The following CREB5 variants were observed in gnomAD, a reference collection of about 807,000 sequenced individuals.
CREB5 encodes cAMP responsive element binding protein 5.
Under a neutral mutation model 57.1 loss-of-function variants are expected in CREB5, and 19 were observed. That is an observed-to-expected ratio of 0.33 (90% CI 0.23 to 0.49). The LOEUF is 0.49. Ranked by LOEUF, CREB5 falls within the 20% of genes least tolerant of loss-of-function variation. The pLI, the probability that CREB5 is intolerant of heterozygous loss-of-function variation, is 0.99. For synonymous variants in CREB5, 238 were observed against 238.3 expected (o/e 1.00, Z 0.01); for missense variants, 579 against 671.6 (o/e 0.86, Z 1.52).
intron 1 of CREB5, among the ~76,000 whole-genome samples, chr7:28,447,086 C>T (rs1789519062): frequency 6.6e-6 from 1 of 152,144 alleles, no homozygotes; most frequent in South Asian, 2.1e-4. Context: ...ATCAGGACAC[C>T]ACCTCCCCTC....
intron 1 of CREB5, among the ~76,000 whole-genome samples, chr7:28,415,203 G>A (rs1290261175): frequency 6.6e-6 from 1 of 152,156 alleles, no homozygotes; most frequent in African/African-American, 2.4e-5. Flanking sequence ...TAGGCCTAGA[G>A]ATTCTGATGG....
intron 1 of CREB5, among the ~76,000 whole-genome samples, chr7:28,343,098 G>A (rs899141947): frequency 5.3e-5 from 8 of 152,110 alleles, no homozygotes; most frequent in Admixed American, 3.3e-4. Flanking sequence ...CCGCCACCAC[G>A]CCCAGCTAAT....
chr7:28,436,643 A>T (rs73073989), intron 1 of CREB5, among the ~76,000 whole-genome samples: 1,524 of 152,204 alleles, frequency 0.01, 15 homozygotes, highest in Non-Finnish European at 0.017. Flanking sequence ...TGCAATTGTC[A>T]TTTTTTCCTA....
intron 1 of CREB5, among the ~76,000 whole-genome samples, chr7:28,310,664 A>G (rs1279237063): frequency 1.3e-5 from 2 of 152,248 alleles, no homozygotes; most frequent in African/African-American, 4.8e-5. Flanking sequence ...ATACGAAAGT[A>G]TGTTTACCTA....
intron 5 of CREB5, among the ~76,000 whole-genome samples, chr7:28,590,299 C>A (rs1376852903): frequency 6.6e-6 from 1 of 151,994 alleles, no homozygotes; most frequent in Non-Finnish European, 1.5e-5. Flanking sequence ...CAATCATAGA[C>A]TGGATTAAGA....
At chr7:28,721,921 G>T (rs1338387799) in intron 6 of CREB5, among the ~76,000 whole-genome samples, 2 of 152,296 alleles carry the variant, frequency 1.3e-5, no homozygotes, top group South Asian at 4.1e-4. Context: ...CCTTTACATG[G>T]CTATTTTACC....
At chr7:28,396,118 A>C (rs932115857) in intron 1 of CREB5, among the ~76,000 whole-genome samples, 1 of 152,210 alleles carries the variant, frequency 6.6e-6, no homozygotes, top group African/African-American at 2.4e-5. Flanking sequence ...CTTTGTAGCC[A>C]TACACTGTCA....
intron 4 of CREB5, among the ~76,000 whole-genome samples, chr7:28,534,483 C>T (rs1793871649): frequency 6.6e-6 from 1 of 152,184 alleles, no homozygotes; most frequent in Admixed American, 6.5e-5. Flanking sequence ...TTGAGGCAAT[C>T]CCTCCTGTAA....
At chr7:28,711,926 G>C (rs1408252097) in intron 5 of CREB5, among the ~76,000 whole-genome samples, 2 of 152,090 alleles carry the variant, frequency 1.3e-5, no homozygotes, top group Non-Finnish European at 2.9e-5. Flanking sequence ...CAACATTTCA[G>C]AATAATAATA....
At chr7:28,502,257 G>T (rs952838657) in intron 3 of CREB5, among the ~76,000 whole-genome samples, 7 of 152,102 alleles carry the variant, frequency 4.6e-5, no homozygotes, top group African/African-American at 1.4e-4. Flanking sequence ...TCTTACAAAT[G>T]ATTATGTGTA....
rs367815410 is a variant in CREB5, at chr7:28,477,072, G to T, written c.4-11103G>T. ...AGGTGCTCAGTGACGATGTGGGGAAGAAATGAATGAATGAGACCTGTGTCC... is the reference window on the plus strand; with the variant it reads ...AGGTGCTCAGTGACGATGTGGGGAATAAATGAATGAATGAGACCTGTGTCC... On this transcript the variant is annotated intron_variant, in intron 1 of 10. Transcript: ENST00000357727. Among the ~76,000 whole-genome samples, 15 of 152,334 alleles carry T rather than the reference G, an allele frequency of 9.8e-5. No individual in the cohort carries two copies. The East Asian group carries it at 2.7e-3, about 27-fold the overall frequency.
chr7:28,530,466 C>T (rs1339364798), intron 4 of CREB5, among the ~76,000 whole-genome samples: 1 of 152,118 alleles, frequency 6.6e-6, no homozygotes, highest in Non-Finnish European at 1.5e-5. Flanking sequence ...AATGTCCAGG[C>T]AGGAAACTGT....
At chr7:28,637,819 C>T (rs1798483468) in intron 5 of CREB5, among the ~76,000 whole-genome samples, 1 of 152,136 alleles carries the variant, frequency 6.6e-6, no homozygotes, top group Non-Finnish European at 1.5e-5. Flanking sequence ...TTAAACAATG[C>T]ATTTATAGTT....
At chr7:28,526,435 CA>C (rs1192215129) in intron 4 of CREB5, among the ~76,000 whole-genome samples, 1 of 152,216 alleles carries the variant, frequency 6.6e-6, no homozygotes, top group East Asian at 1.9e-4. Flanking sequence ...GGAACACATT[CA>C]CCTATTCATC....
chr7:28,492,030 A>G (rs1233321978), intron 2 of CREB5, among the ~76,000 whole-genome samples: 1 of 151,664 alleles, frequency 6.6e-6, no homozygotes, highest in African/African-American at 2.4e-5. Context: ...ATGGTGTTGC[A>G]CTCTTGTCGC....
upstream of CREB5, chr7:28,409,900 C>T (rs1311082629): frequency 2.2e-6 from 1 of 455,338 alleles, no homozygotes; most frequent in Non-Finnish European, 4.4e-6. This position sits in a 1 kb window ranked among gnomAD's most constrained non-coding sequence, Gnocchi z 4.4. Flanking sequence ...CTCCAGAGAC[C>T]TGGCAAGGTG....
chr7:28,686,212 T>G, intron 5 of CREB5: 1 of 1,597,564 alleles, frequency 6.3e-7, no homozygotes, highest in East Asian at 2.2e-5. Context: ...GTTTTTAATT[T>G]TATTTTCTTT....
chr7:28,780,625 G>A (rs1350566118), intron 7 of CREB5, among the ~76,000 whole-genome samples: 1 of 152,138 alleles, frequency 6.6e-6, no homozygotes, highest in Non-Finnish European at 1.5e-5. Flanking sequence ...AGGTGGCTGA[G>A]GCACGAGAAT....
chr7:28,685,690 T>C (rs1244404832), intron 5 of CREB5, among the ~76,000 whole-genome samples: 1 of 146,742 alleles, frequency 6.8e-6, no homozygotes. Flanking sequence ...TTTTAACCAG[T>C]ATTTTTTTTT....
Sources: allele counts gnomAD v4.1 joint callset (sites outside exome capture counted in the v4.1 genomes callset), GRCh38; gene constraint gnomAD v4.1.1; non-coding constraint Gnocchi (gnomAD v3.1); transcripts MANE v1.5; gene names NCBI Gene and HGNC (gene_info 2026-07-23, HGNC 2026-07-21).